SPACA3: variants seen among roughly 807,000 people sequenced by gnomAD.
SPACA3 encodes sperm acrosome membrane-associated protein 3.
Under a neutral mutation model 24.5 loss-of-function variants are expected in SPACA3, and 21 were observed. The ratio of observed to expected loss-of-function variants is 0.86; its 90% confidence interval spans 0.61 to 1.24. The LOEUF is 1.24. SPACA3 is among the 50% of genes most tolerant of loss of function. The probability of loss-of-function intolerance (pLI) is 0.00; values close to 1 mark genes in which losing one functional copy is unlikely to be tolerated. For missense variants in SPACA3, 278 were observed against 275.5 expected, an observed-to-expected ratio of 1.01 and a Z score of -0.06; for synonymous variants, 115 against 106.9, an observed-to-expected ratio of 1.08 and a Z score of -0.47.
At chr17:32,997,636 T>A in intron 4 of SPACA3, 76 bp from the exon 5 acceptor site, 1 of 1,558,788 alleles carries the variant, frequency 6.4e-7, no homozygotes, top group East Asian at 2.2e-5. Context: ...CACACTCTCC[T>A]TCTTGTTCTT....
At chr17:32,995,378 C>T (rs1221747985) in intron 1 of SPACA3, 31 bp from the exon 2 acceptor site, 2 of 1,558,878 alleles carry the variant, frequency 1.3e-6, no homozygotes, top group African/African-American at 2.7e-5. Flanking sequence ...TGGCCTTCTG[C>T]CCACCCCTTC....
chr17:32,991,879 TG>T lies in SPACA3; in HGVS notation c.-55del. 6.2e-7 allele frequency: 1 copy of T among 1,612,620 alleles called. No individual in the cohort carries two copies. Among genetic ancestry groups the T allele is most frequent in the Non-Finnish European group, 8.5e-7 (1 of 1,178,948 alleles). On this transcript the variant is annotated 5_prime_UTR_variant, in exon 1 of 5. Transcript: ENST00000269053. The stretch of plus-strand genomic sequence containing the variant: ...GGTGCCTGGGGCCCTGGCAAGGTTG[TG>T]GGGGACATCTTGAGCTGAAGCAGGG...
At chr17:32,992,813 C>G in intron 1 of SPACA3, 3 of 452,916 alleles carry the variant, frequency 6.6e-6, no homozygotes, top group Non-Finnish European at 9.1e-6. Context: ...GGGAGTGGGC[C>G]GCAGGGCTGG....
intron 1 of SPACA3, chr17:32,993,019 A>G: frequency 2.2e-6 from 1 of 464,422 alleles, no homozygotes; most frequent in Admixed American, 2.4e-5. Context: ...TGAACCTAGG[A>G]AAGGACGGTG....
chr17:32,992,701 T>C (rs995849532), intron 1 of SPACA3: 28 of 356,350 alleles, frequency 7.9e-5, no homozygotes, highest in Non-Finnish European at 1.4e-4. Flanking sequence ...CAAGTATGAG[T>C]CAGAGTTAAC....
At chr17:32,995,380 C>T (rs1047092270) in intron 1 of SPACA3, 29 bp from the exon 2 acceptor site, 1 of 1,561,224 alleles carries the variant, frequency 6.4e-7, no homozygotes, top group Non-Finnish European at 8.7e-7. Flanking sequence ...GCCTTCTGCC[C>T]ACCCCTTCTC....
rs751846869 is a variant in SPACA3, at chr17:32,991,977, G to A, written c.34+5G>A. 1.2e-6 allele frequency: 2 copies of A among 1,613,746 alleles called. No individual in the cohort carries two copies. The highest frequency in any genetic ancestry group is 1.1e-5 in the South Asian group (1 of 91,024). The stretch of plus-strand genomic sequence containing the variant: ...TGCGGGGAGCACCCCTGATCAGTGA[G>A]CCCCCTTTCCCTTCTTCCTGGGGCT... On this transcript the variant is annotated splice_donor_5th_base_variant and intron_variant, in intron 1 of 4. Transcript: ENST00000269053.
Position 32,994,502 on chromosome 17 carries a change from T to C in SPACA3, c.35-907T>C, listed in dbSNP as rs190321306. Among the ~76,000 whole-genome samples, 14 of 152,214 alleles carry C rather than the reference T, an allele frequency of 9.2e-5. No individual in the cohort carries two copies. In the East Asian group the frequency reaches 1.5e-3, roughly 17 times the overall value. Reference sequence around the variant, plus strand: ...GGAGGTTGGAGACCAGGGACACCAATTGGCACAAACAAGAGTTTGTACAAC... The same window carrying C: ...GGAGGTTGGAGACCAGGGACACCAACTGGCACAAACAAGAGTTTGTACAAC... On this transcript the variant is annotated intron_variant, in intron 1 of 4. Transcript: ENST00000269053.
At chr17:32,992,941 T>C (rs1291224954) in intron 1 of SPACA3, 1 of 470,762 alleles carries the variant, frequency 2.1e-6, no homozygotes, top group Non-Finnish European at 4.4e-6. Flanking sequence ...TGGATGTGTA[T>C]AGAATAGCTT....
intron 1 of SPACA3, among the ~76,000 whole-genome samples, chr17:32,994,080 G>A (rs779731585): frequency 5.3e-5 from 8 of 152,248 alleles, no homozygotes; most frequent in South Asian, 4.2e-4. Flanking sequence ...AGCAGGAGAC[G>A]AGATCATGTT....
In SPACA3 at chr17:32,995,169, G is replaced by T. The variant is rs190346488; in HGVS notation, c.35-240G>T. On this transcript the variant is annotated intron_variant, in intron 1 of 4. Transcript: ENST00000269053. Reference sequence around the variant, plus strand: ...AGAACTTTGTCTCCATCCAAACTTCGCCCCTTCCTAGTTATAAAATCTTGG... The same window carrying T: ...AGAACTTTGTCTCCATCCAAACTTCTCCCCTTCCTAGTTATAAAATCTTGG... Among the ~76,000 whole-genome samples, 406 of 152,294 alleles carry T rather than the reference G, an allele frequency of 2.7e-3. 1 individual carries two copies. The highest frequency in any genetic ancestry group is 6.8e-3 in the Middle Eastern group (2 of 294).
Position 32,997,768 on chromosome 17 carries a change from G to A in SPACA3, c.638G>A (p.Cys213Tyr), listed in dbSNP as rs1328417311. The A allele has an allele frequency of 1.9e-6, 3 of 1,614,092 alleles. No individual in the cohort carries two copies. Among genetic ancestry groups the A allele is most frequent in the Admixed American group, 1.7e-5 (1 of 60,010 alleles). The change falls in exon 5 of 5, where the codon TGT becomes TAT. Residue 213 changes from cysteine (C) to tyrosine (Y), a missense_variant. By Grantham distance (194) the Cys-to-Tyr change is radical. Coordinates refer to ENST00000269053, the MANE Select transcript of SPACA3 (RefSeq NM_173847.5). ...GKDLTEWVDG[C>Y]DF ...GACCTCACTGAATGGGTGGATGGCT[G>A]TGACTTCTAGGATGGACGGAACCAT...
chr17:32,997,635 C>T, intron 4 of SPACA3, 77 bp from the exon 5 acceptor site: 6 of 1,556,120 alleles, frequency 3.9e-6, no homozygotes, highest in South Asian at 1.1e-5. Flanking sequence ...CCACACTCTC[C>T]TTCTTGTTCT....
intron 1 of SPACA3, among the ~76,000 whole-genome samples, chr17:32,992,223 T>C (rs1463740679): frequency 6.7e-6 from 1 of 150,130 alleles, no homozygotes; most frequent in African/African-American, 2.4e-5. Flanking sequence ...AAACAGTCCA[T>C]GTGTAGCAGT....
chr17:32,995,027 G>A (rs2091713009), intron 1 of SPACA3, among the ~76,000 whole-genome samples: 1 of 152,198 alleles, frequency 6.6e-6, no homozygotes, highest in Non-Finnish European at 1.5e-5. Context: ...TTAAGATCTG[G>A]AGATGGAGGG....
At chr17:32,997,344 T>TGTGTGTGTGTGTAG (rs140846693) in intron 3 of SPACA3, 101 bp from the exon 4 acceptor site, 97 of 605,196 alleles carry the variant, frequency 1.6e-4, no homozygotes, top group Middle Eastern at 3.2e-4. Context: ...TGTGTGTGTG[T>TGTGTGTGTGTGTAG]AGAGAGAGAG....
Position 32,995,541 on chromosome 17 carries a change from G to A in SPACA3, c.167G>A (p.Arg56Lys), listed in dbSNP as rs2091716503. The A allele has an allele frequency of 2.5e-6, 4 of 1,614,244 alleles. No individual in the cohort carries two copies. The highest frequency in any genetic ancestry group is 3.4e-6 in the Non-Finnish European group (4 of 1,180,044). ...ACCTCTGCCGCCGGCATAGAAGCCAGGAGCAGGGCTCTCAGAAGGCGGTGG... is the reference window on the plus strand; with the variant it reads ...ACCTCTGCCGCCGGCATAGAAGCCAAGAGCAGGGCTCTCAGAAGGCGGTGG... ...GSTSAAGIEA[R>K]SRALRRRWCP... is the part of the protein sequence containing the mutation. Residue 56 changes from arginine to lysine, a missense_variant, in exon 2 of 5, where the codon AGG becomes AAG. Coordinates refer to ENST00000269053, the MANE Select transcript of SPACA3 (RefSeq NM_173847.5).
In SPACA3 at chr17:32,997,114, G is replaced by A. The variant is rs1489711570; in HGVS notation, c.502+113G>A. On this transcript the variant is annotated intron_variant, in intron 3 of 4. Coordinates refer to ENST00000269053, the MANE Select transcript of SPACA3 (RefSeq NM_173847.5). ...CTGAGTGAGGGTTCCCCCACATCAG[G>A]CTGGGCCCACGGAGGAGAGGGAGAT... 3 of 1,276,068 alleles carry A rather than the reference G, an allele frequency of 2.4e-6. No homozygotes were observed. The East Asian group carries it at 7.5e-5, about 32-fold the overall frequency. 79.0% of individuals were successfully genotyped at this position (1,276,068 alleles called of 1,614,324 possible). A position where few individuals can be genotyped will look rare whatever the true frequency, so the allele number is the denominator to read the frequency against.
chr17:32,995,303 C>A, intron 1 of SPACA3, 106 bp from the exon 2 acceptor site: 2 of 1,065,674 alleles, frequency 1.9e-6, no homozygotes, highest in Non-Finnish European at 1.4e-6. Context: ...AGGAGAGGGG[C>A]TGGTCTCGGG....
Sources: gnomAD v4.1 joint callset for allele counts (sites outside exome capture counted in the v4.1 genomes callset) on GRCh38, gnomAD v4.1.1 for gene constraint, MANE v1.5 for transcripts, NCBI Gene and HGNC (gene_info 2026-07-23, HGNC 2026-07-21) for gene names.